The following CNTRL variants were observed in gnomAD, a reference collection of about 807,000 sequenced individuals.
CNTRL encodes the protein 110 kDa centrosomal protein.
Under a neutral mutation model 303.7 loss-of-function variants are expected in CNTRL, and 233 were observed. The observed-to-expected ratio is 0.77, with a 90% confidence interval of 0.69 to 0.86. The LOEUF (loss-of-function observed/expected upper bound fraction) is 0.86, where lower values mean the gene tolerates loss of function less well. Ranked by LOEUF, CNTRL falls within the 40% of genes least tolerant of loss-of-function variation. The pLI, the probability that CNTRL is intolerant of heterozygous loss-of-function variation, is 0.00. For missense variants in CNTRL, 2,524 were observed against 2,650.6 expected, an observed-to-expected ratio of 0.95 and a Z score of 1.05; for synonymous variants, 900 against 922.2, an observed-to-expected ratio of 0.98 and a Z score of 0.44.
intron 23 of CNTRL, among the ~76,000 whole-genome samples, chr9:121,147,102 A>G (rs1588257159): frequency 6.6e-6 from 1 of 152,210 alleles, no homozygotes; most frequent in East Asian, 1.9e-4. Context: ...TCCGGGGTTC[A>G]AGCGATTCTC....
chr9:121,141,357 A>G (rs537298436), intron 17 of CNTRL, 24 bp from the exon 18 acceptor site: 3 of 1,552,456 alleles, frequency 1.9e-6, no homozygotes, highest in African/African-American at 2.7e-5. Context: ...TCACATTTAT[A>G]CCATTTTTCC....
chr9:121,107,859 TTAAGAGCA>T lies in CNTRL; in HGVS notation c.867_874del (p.Lys290ThrfsTer6). On this transcript the variant is annotated frameshift_variant, in exon 8 of 44. Coordinates refer to ENST00000373855, the MANE Select transcript of CNTRL (RefSeq NM_007018.6). LOFTEE classifies it high-confidence loss of function. ...AAAAAGATGATAGAAACTGAAGAGC[TTAAGAGCA>T]AACAAACAAGGTTCCTTGAGGAAAT... The T allele has an allele frequency of 6.2e-7, 1 of 1,608,472 alleles. No individual in the cohort carries two copies. Among genetic ancestry groups the T allele is most frequent in the East Asian group, 2.2e-5 (1 of 44,704 alleles).
At chr9:121,149,408 GTT>G (rs11326933) in intron 24 of CNTRL, among the ~76,000 whole-genome samples, 4 of 146,404 alleles carry the variant, frequency 2.7e-5, no homozygotes, top group Non-Finnish European at 4.5e-5. Context: ...TTTGTTTTTT[GTT>G]TTTTTTTTTG....
In CNTRL at chr9:121,161,851, C is replaced by T. The variant is rs376125474; in HGVS notation, c.5090-5C>T. 3.4e-5 allele frequency: 54 copies of T among 1,600,666 alleles called. No individual in the cohort carries two copies. The highest frequency in any genetic ancestry group is 3.3e-4 in the Middle Eastern group (2 of 6,026). On this transcript the variant is annotated splice_region_variant and splice_polypyrimidine_tract_variant and intron_variant, in intron 32 of 43. Coordinates refer to ENST00000373855, the MANE Select transcript of CNTRL (RefSeq NM_007018.6). The stretch of plus-strand genomic sequence containing the variant: ...CATGGACCATGCTTTGTTTCTATCC[C>T]TTAGAACTAAAGAATATTCTGGACA...
chr9:121,146,398 AAT>A (rs2051856857), intron 23 of CNTRL, 142 bp downstream of exon 23: 1 of 819,664 alleles, frequency 1.2e-6, no homozygotes. Flanking sequence ...TAGCGTTTTT[AAT>A]ATTTGAGATG....
chr9:121,091,112 G>C (rs972325828), intron 4 of CNTRL, among the ~76,000 whole-genome samples: 1 of 152,184 alleles, frequency 6.6e-6, no homozygotes, highest in Non-Finnish European at 1.5e-5. Flanking sequence ...CACAACACAT[G>C]GGAATTCAAG....
In CNTRL at chr9:121,118,487, A is replaced by ATT; in HGVS notation, c.1598_1599dup (p.Lys534LeufsTer6). 1 of 1,610,340 alleles carries ATT rather than the reference A, an allele frequency of 6.2e-7. No homozygotes were observed. The highest frequency in any genetic ancestry group is 8.5e-7 in the Non-Finnish European group (1 of 1,177,578). Reference sequence around the variant, plus strand: ...GGAAATTGCCGGAAAGCAGAAGGAGATTAAGGACCTGCAAATAGCCATAGA... The same window carrying ATT: ...GGAAATTGCCGGAAAGCAGAAGGAGATTTTAAGGACCTGCAAATAGCCATAGA... On this transcript the variant is annotated frameshift_variant, in exon 12 of 44. Coordinates refer to ENST00000373855, the MANE Select transcript of CNTRL (RefSeq NM_007018.6). LOFTEE classifies it high-confidence loss of function.
intron 4 of CNTRL, among the ~76,000 whole-genome samples, chr9:121,094,492 A>G (rs1419463867): frequency 3.0e-4 from 46 of 152,198 alleles, no homozygotes; most frequent in Non-Finnish European, 2.2e-4. Flanking sequence ...GCCTCTCAGA[A>G]CTGTCACAAT....
intron 8 of CNTRL, among the ~76,000 whole-genome samples, chr9:121,108,474 GT>G (rs2049588257): frequency 6.6e-6 from 1 of 152,080 alleles, no homozygotes; most frequent in African/African-American, 2.4e-5. Context: ...TAGTTGCCTA[GT>G]TTTCTCTTTT....
At chr9:121,078,118 A>G (rs569420726) in intron 1 of CNTRL, among the ~76,000 whole-genome samples, 27 of 152,172 alleles carry the variant, frequency 1.8e-4, no homozygotes, top group Non-Finnish European at 3.8e-4. Context: ...AGCAGCATCA[A>G]TAGTATTACT....
chr9:121,136,812 T>A (rs1210893766), intron 15 of CNTRL, among the ~76,000 whole-genome samples: 1 of 152,120 alleles, frequency 6.6e-6, no homozygotes, highest in East Asian at 1.9e-4. Context: ...AGCTGACAGA[T>A]CTCTGATTGG....
At position 121,138,678 on chromosome 9, in the gene CNTRL, A is replaced by C. The variant is rs2051330769; in HGVS notation, c.2336A>C (p.Gln779Pro). Reference sequence around the variant, plus strand: ...CTCCATGCAAAACTTAAACACTTGCAGGTAGAGATTTGTTGTTTTAGAATA... The same window carrying C: ...CTCCATGCAAAACTTAAACACTTGCCGGTAGAGATTTGTTGTTTTAGAATA... ...SELHAKLKHL[Q>P]DDNNLLKQQL... The change falls in exon 16 of 44, where the codon CAG (glutamine) becomes CCG (proline). Residue 779 changes from glutamine to proline, a missense_variant and splice_region_variant. By Grantham distance (76) the Gln-to-Pro change is moderately conservative (BLOSUM62 -1). Transcript: ENST00000373855. 7.4e-6 allele frequency: 12 copies of C among 1,613,220 alleles called. No homozygotes were observed. Among genetic ancestry groups the C allele is most frequent in the Non-Finnish European group, 1.0e-5 (12 of 1,179,546 alleles).
intron 27 of CNTRL, among the ~76,000 whole-genome samples, chr9:121,156,765 A>G (rs1279996912): frequency 6.6e-6 from 1 of 151,598 alleles, no homozygotes; most frequent in African/African-American, 2.4e-5. Flanking sequence ...ATTAAAACAA[A>G]TGTGTTTTTA....
At chr9:121,176,672 C>A (rs764475386) in intron 43 of CNTRL, among the ~76,000 whole-genome samples, 3 of 151,982 alleles carry the variant, frequency 2.0e-5, no homozygotes, top group Non-Finnish European at 4.4e-5. Context: ...TGGGTAGGGG[C>A]GAGATTGGTA....
intron 2 of CNTRL, among the ~76,000 whole-genome samples, chr9:121,080,963 A>T (rs956827930): frequency 2.0e-5 from 3 of 152,258 alleles, no homozygotes; most frequent in Non-Finnish European, 4.4e-5. Flanking sequence ...ATCCGTTTTT[A>T]TGCTTAGGAT....
At chr9:121,086,044 T>G (rs1356582931) in intron 2 of CNTRL, among the ~76,000 whole-genome samples, 1 of 152,136 alleles carries the variant, frequency 6.6e-6, no homozygotes, top group Non-Finnish European at 1.5e-5. Flanking sequence ...CAAGAGAGGA[T>G]AAAAGTTGAA....
At chr9:121,095,856 CAAAT>C (rs2048869790) in intron 5 of CNTRL, among the ~76,000 whole-genome samples, 1 of 152,098 alleles carries the variant, frequency 6.6e-6, no homozygotes, top group African/African-American at 2.4e-5. Context: ...ATTAAATTGA[CAAAT>C]AAATTAGAAG....
Position 121,173,495 on chromosome 9 carries a change from C to G in CNTRL, c.6670C>G (p.Gln2224Glu), listed in dbSNP as rs1391916191. ...TTTTGAAGAAAAACTGAACTTTTCC[C>G]AAGTTCACATAATGGTAAGGGTTTA... ...GPFEEKLNFS[Q>E]VHIMDEHWRG... is the part of the protein sequence containing the mutation. Residue 2224 changes from glutamine to glutamate, a missense_variant, in exon 41 of 44, where the codon CAA (glutamine) becomes GAA (glutamate). By Grantham distance (29) the Gln-to-Glu change is conservative (BLOSUM62 2). Coordinates refer to ENST00000373855, the MANE Select transcript of CNTRL (RefSeq NM_007018.6). The G allele has an allele frequency of 6.2e-7, 1 of 1,613,160 alleles. No homozygotes were observed. Among genetic ancestry groups the G allele is most frequent in the Non-Finnish European group, 8.5e-7 (1 of 1,179,868 alleles).
chr9:121,158,755 A>G (rs951397053), intron 30 of CNTRL, 100 bp from the exon 31 acceptor site: 2 of 1,144,320 alleles, frequency 1.7e-6, no homozygotes. Flanking sequence ...GGGCTAGGAT[A>G]TTAGCTCCTG....
Sources: gnomAD v4.1 joint callset for allele counts (sites outside exome capture counted in the v4.1 genomes callset) on GRCh38, gnomAD v4.1.1 for gene constraint, MANE v1.5 for transcripts, NCBI Gene and HGNC (gene_info 2026-07-23, HGNC 2026-07-21) for gene names.